UNC5D: variants seen among roughly 807,000 people sequenced by gnomAD.
UNC5D encodes the protein netrin receptor UNC5D.
Under a neutral mutation model 105.4 loss-of-function variants are expected in UNC5D, and 39 were observed. That is an observed-to-expected ratio of 0.37 (90% CI 0.29 to 0.48). The LOEUF is 0.48. Among genes scored for constraint, UNC5D ranks in the 20% least tolerant of loss-of-function variants. The pLI, the probability that UNC5D is intolerant of heterozygous loss-of-function variation, is 0.98. For missense variants in UNC5D, 991 were observed against 1,202.4 expected, an observed-to-expected ratio of 0.82 and a Z score of 2.60; for synonymous variants, 452 against 450.4, an observed-to-expected ratio of 1.00 and a Z score of -0.04.
intron 1 of UNC5D, among the ~76,000 whole-genome samples, chr8:35,464,881 G>A (rs1389006814): frequency 6.6e-6 from 1 of 152,112 alleles, no homozygotes; most frequent in Admixed American, 6.5e-5. Flanking sequence ...TCCCCCTCCA[G>A]AAACCTGATA....
chr8:35,601,953 T>C (rs1563578161), intron 4 of UNC5D, among the ~76,000 whole-genome samples: 1 of 152,218 alleles, frequency 6.6e-6, no homozygotes. Context: ...ATAGCTCTTA[T>C]TATTTTGAGA....
At chr8:35,720,930 C>T (rs1038528976) in intron 8 of UNC5D, among the ~76,000 whole-genome samples, 5 of 151,578 alleles carry the variant, frequency 3.3e-5, no homozygotes, top group Middle Eastern at 3.4e-3. Context: ...TTGATTTCCT[C>T]GTTCACTCTT....
Position 35,369,195 on chromosome 8 carries a change from C to T in UNC5D, c.103+133308C>T, listed in dbSNP as rs569664186. 5.9e-5 allele frequency among the ~76,000 whole-genome samples: 9 copies of T among 152,254 alleles called. No homozygotes were observed. The South Asian group carries it at 1.9e-3, about 32-fold the overall frequency. On this transcript the variant is annotated intron_variant, in intron 1 of 16. Transcript: ENST00000404895. ...TACTGTAATTAAATCACCTATCTCT[C>T]AGGTAGTGTCTCTCCCTAGGAGATG...
chr8:35,653,245 T>G (rs543139628), intron 4 of UNC5D, among the ~76,000 whole-genome samples: 7 of 152,256 alleles, frequency 4.6e-5, no homozygotes, highest in African/African-American at 1.7e-4. Flanking sequence ...TCTTTTTATT[T>G]GTCCACTTGG....
At chr8:35,331,223 G>T (rs773877369) in intron 1 of UNC5D, among the ~76,000 whole-genome samples, 1 of 152,028 alleles carries the variant, frequency 6.6e-6, no homozygotes, top group Non-Finnish European at 1.5e-5. Context: ...GAGTTATATT[G>T]GGGGGCCATT....
At chr8:35,582,578 C>T (rs1381044902) in intron 3 of UNC5D, among the ~76,000 whole-genome samples, 1 of 152,182 alleles carries the variant, frequency 6.6e-6, no homozygotes, top group Non-Finnish European at 1.5e-5. Context: ...TGTTTACATG[C>T]TCATGACACT....
At chr8:35,665,008 A>G (rs964155547) in intron 4 of UNC5D, among the ~76,000 whole-genome samples, 6 of 151,944 alleles carry the variant, frequency 3.9e-5, no homozygotes, top group Non-Finnish European at 5.9e-5. Context: ...TAATTTTTTA[A>G]GTTTTTATAG....
At chr8:35,475,825 G>A (rs1323268347) in intron 1 of UNC5D, among the ~76,000 whole-genome samples, 1 of 152,070 alleles carries the variant, frequency 6.6e-6, no homozygotes, top group East Asian at 1.9e-4. Flanking sequence ...GTGCATCTGT[G>A]GGAAGTTTGC....
intron 2 of UNC5D, among the ~76,000 whole-genome samples, chr8:35,557,463 A>T (rs1816634441): frequency 6.6e-6 from 1 of 152,220 alleles, no homozygotes; most frequent in South Asian, 2.1e-4. Context: ...GTGATAAAAG[A>T]CATTTAGCCC....
At chr8:35,282,255 C>A (rs1367895684) in intron 1 of UNC5D, among the ~76,000 whole-genome samples, 2 of 152,156 alleles carry the variant, frequency 1.3e-5, no homozygotes, top group Non-Finnish European at 2.9e-5. Context: ...TTGATGGCTG[C>A]CAGTCCTTTT....
chr8:35,313,951 AT>A (rs938261785), intron 1 of UNC5D, among the ~76,000 whole-genome samples: 5 of 152,220 alleles, frequency 3.3e-5, no homozygotes, highest in East Asian at 1.9e-4. Flanking sequence ...GTGCTGTTAA[AT>A]TTTTTTTATG....
rs147048531 is a variant in UNC5D at position 35,726,562 on chromosome 8, A to G, written c.1681+33A>G. The G allele has an allele frequency of 2.0e-4, 323 of 1,595,304 alleles. 1 individual carries two copies. In the African/African-American group the frequency reaches 4.0e-3, roughly 20 times the overall value. ...GTAAGTGTGTGTTTGTGTATTTTCC[A>G]TCATTTAAATGTTTCATTTTTACAC... On this transcript the variant is annotated intron_variant, in intron 10 of 16. Transcript: ENST00000404895.
intron 3 of UNC5D, among the ~76,000 whole-genome samples, chr8:35,574,909 A>C (rs1357114469): frequency 6.6e-6 from 1 of 151,780 alleles, no homozygotes; most frequent in Non-Finnish European, 1.5e-5. Context: ...TCTGTGGCCC[A>C]TCTCACACTC....
intron 4 of UNC5D, among the ~76,000 whole-genome samples, chr8:35,643,095 C>T (rs1036919623): frequency 2.0e-5 from 3 of 152,106 alleles, no homozygotes; most frequent in African/African-American, 4.8e-5. Flanking sequence ...TTCTCAGCCT[C>T]GGCACTGTTG....
chr8:35,399,745 G>T (rs1804333038), intron 1 of UNC5D, among the ~76,000 whole-genome samples: 1 of 152,168 alleles, frequency 6.6e-6, no homozygotes, highest in South Asian at 2.1e-4. Context: ...GTGAAAACTG[G>T]TGTGGATGTA....
chr8:35,485,254 C>T (rs1012601117), intron 1 of UNC5D, among the ~76,000 whole-genome samples: 3 of 152,148 alleles, frequency 2.0e-5, no homozygotes, highest in African/African-American at 7.2e-5. Context: ...CTGCTGAAGA[C>T]CATACCAGTA....
intron 11 of UNC5D, among the ~76,000 whole-genome samples, chr8:35,739,187 T>C (rs764635022): frequency 1.3e-4 from 20 of 152,172 alleles, no homozygotes; most frequent in Non-Finnish European, 2.5e-4. Flanking sequence ...CTAGAAGGGT[T>C]AATGCACCTT....
chr8:35,287,706 C>A lies in UNC5D; in HGVS notation c.103+51819C>A, dbSNP rs140268537. Among the ~76,000 whole-genome samples the A allele has an allele frequency of 4.7e-3, 716 of 151,830 alleles. 4 individuals carry two copies. Among genetic ancestry groups the A allele is most frequent in the Middle Eastern group, 6.9e-3 (2 of 290 alleles). ...GCCTGTAGTCCCAGATATTCAGAGGCTGAGGTTGGAGGATTGCTTGAGCCC... is the reference window on the plus strand; with the variant it reads ...GCCTGTAGTCCCAGATATTCAGAGGATGAGGTTGGAGGATTGCTTGAGCCC... On this transcript the variant is annotated intron_variant, in intron 1 of 16. Transcript: ENST00000404895.
chr8:35,395,947 A>G (rs1804069980), intron 1 of UNC5D, among the ~76,000 whole-genome samples: 1 of 152,162 alleles, frequency 6.6e-6, no homozygotes, highest in African/African-American at 2.4e-5. Flanking sequence ...TACTTTTATC[A>G]GCAATGACTT....
Sources: gnomAD v4.1 joint callset for allele counts (sites outside exome capture counted in the v4.1 genomes callset) on GRCh38, gnomAD v4.1.1 for gene constraint, MANE v1.5 for transcripts, NCBI Gene and HGNC (gene_info 2026-07-23, HGNC 2026-07-21) for gene names.